POLR3G: variants seen among roughly 807,000 people sequenced by gnomAD.
POLR3G encodes the protein RNA polymerase III subunit G.
Under a neutral mutation model 30.1 loss-of-function variants are expected in POLR3G, and 28 were observed. That is an observed-to-expected ratio of 0.93 (90% CI 0.69 to 1.27). The LOEUF (loss-of-function observed/expected upper bound fraction) is 1.27, where lower values mean the gene tolerates loss of function less well. POLR3G is among the 50% of genes most tolerant of loss of function. The pLI is 0.00. For missense variants in POLR3G, 254 were observed against 264.6 expected (o/e 0.96, Z 0.28); for synonymous variants, 79 against 82.5 (o/e 0.96, Z 0.23).
At chr5:90,501,862 G>A in intron 5 of POLR3G, 44 bp from the exon 6 acceptor site, 2 of 1,602,620 alleles carry the variant, frequency 1.2e-6, no homozygotes, top group East Asian at 2.3e-5. Context: ...ATAATACAGA[G>A]TTGCAGTTGC....
At chr5:90,473,991 T>G (rs777618177), upstream of POLR3G, 2 of 1,598,206 alleles carry the variant, frequency 1.3e-6, no homozygotes, top group Admixed American at 1.8e-5. Flanking sequence ...CTCGGCGTGG[T>G]GCACTGCCAC....
rs375470704 is a variant in POLR3G, at chr5:90,476,661, C to T, written c.-44+1641C>T. Among the ~76,000 whole-genome samples, 78 of 152,274 alleles carry T rather than the reference C, an allele frequency of 5.1e-4. 1 individual carries two copies. The highest frequency in any genetic ancestry group is 1.8e-3 in the African/African-American group (75 of 41,534). On this transcript the variant is annotated intron_variant, in intron 1 of 7. Transcript: ENST00000651687. ...CAATAATCATTGGCCTTTTGCTAGG[C>T]TTTCGTTAGTAATGGGGACATAAAA...
chr5:90,497,140 T>A (rs1752033320), intron 4 of POLR3G, among the ~76,000 whole-genome samples: 1 of 152,176 alleles, frequency 6.6e-6, no homozygotes, highest in African/African-American at 2.4e-5. Context: ...GCAAAATTAT[T>A]TATTGGAGGA....
intron 3 of POLR3G, among the ~76,000 whole-genome samples, chr5:90,488,578 TG>T (rs760744962): frequency 1.3e-5 from 2 of 152,296 alleles, no homozygotes; most frequent in East Asian, 1.9e-4. Flanking sequence ...TTTTAATGAC[TG>T]GTAGTCTACT....
rs763628643 is a variant in POLR3G at position 90,513,758 on chromosome 5, AG to A, written c.*1621del. On this transcript the variant is annotated 3_prime_UTR_variant, in exon 8 of 8. Coordinates refer to ENST00000651687, the MANE Select transcript of POLR3G (RefSeq NM_006467.3). ...CATTTGTGAATTACTTCTTGTTTAA[AG>A]GAAGTTGTCAAAAAATTTTAAGATT... The A allele has an allele frequency of 3.9e-5, 6 of 152,218 alleles. No individual in the cohort carries two copies. Among genetic ancestry groups the A allele is most frequent in the Non-Finnish European group, 8.8e-5 (6 of 68,026 alleles). The allele number at this position is 152,218 out of a possible 1,614,324, so 9.4% of individuals were successfully genotyped here.
At chr5:90,506,872 T>C (rs1303311342) in intron 7 of POLR3G, among the ~76,000 whole-genome samples, 198 bp downstream of exon 7, 1 of 152,212 alleles carries the variant, frequency 6.6e-6, no homozygotes, top group Non-Finnish European at 1.5e-5. Flanking sequence ...ATTGAAATTA[T>C]AATGATGTCA....
At chr5:90,487,378 A>ATTTTTTTTTTTTTTTTTTTTT (rs59951999) in intron 2 of POLR3G, among the ~76,000 whole-genome samples, 6 of 57,028 alleles carry the variant, frequency 1.1e-4, no homozygotes, top group African/African-American at 4.7e-4. Context: ...TGGTACATTA[A>ATTTTTTTTTTTTTTTTTTTTT]TTTTTTTTTT....
chr5:90,478,626 C>T (rs979188853), intron 1 of POLR3G, among the ~76,000 whole-genome samples: 2 of 124,980 alleles, frequency 1.6e-5, no homozygotes, highest in Admixed American at 1.1e-4. Context: ...TGGAGTGCAG[C>T]GGCGCAAGCA....
In POLR3G at chr5:90,502,313, A is replaced by G. The variant is rs983120879; in HGVS notation, c.438+325A>G. On this transcript the variant is annotated intron_variant, in intron 6 of 7. Transcript: ENST00000651687. ...ATGAACAAGTTTTAAAAAGAGTTAC[A>G]TATGTAACTCTTTTAAAAACCTCTC... is the stretch of plus-strand genomic sequence containing the variant. 1.7e-5 allele frequency: 16 copies of G among 953,172 alleles called. No individual in the cohort carries two copies. In the South Asian group the frequency reaches 1.9e-4, roughly 12 times the overall value. The allele number at this position is 953,172 out of a possible 1,614,324, so 59.0% of individuals were successfully genotyped here. A position where few individuals can be genotyped will look rare whatever the true frequency, so the allele number is the denominator to read the frequency against.
chr5:90,474,543 C>T, upstream of POLR3G: 3 of 518,172 alleles, frequency 5.8e-6, no homozygotes, highest in South Asian at 2.4e-5. Flanking sequence ...GCCACCAGCA[C>T]GGGGGCGCAG....
intron 4 of POLR3G, among the ~76,000 whole-genome samples, chr5:90,497,085 A>G (rs939077709): frequency 1.3e-5 from 2 of 152,242 alleles, no homozygotes; most frequent in Non-Finnish European, 2.9e-5. Flanking sequence ...ATGCTTAAAA[A>G]TTAAAAGAAA....
chr5:90,500,379 CT>C (rs1186573994), intron 5 of POLR3G, among the ~76,000 whole-genome samples: 4 of 152,008 alleles, frequency 2.6e-5, no homozygotes, highest in African/African-American at 4.8e-5. Context: ...AATAAGTTTA[CT>C]TACCTGGCCA....
At position 90,497,736 on chromosome 5, in the gene POLR3G, G is replaced by A. The variant is rs1342423384; in HGVS notation, c.355+30G>A. 7.6e-6 allele frequency: 12 copies of A among 1,575,892 alleles called. No homozygotes were observed. In the South Asian group the frequency reaches 8.3e-5, roughly 11 times the overall value. On this transcript the variant is annotated intron_variant, in intron 5 of 7. Coordinates refer to ENST00000651687, the MANE Select transcript of POLR3G (RefSeq NM_006467.3). ...ATTGACTAATATAATAGTAATTCAGGTAGGAAAAGGTTATTTCTTACATTC... is the reference window on the plus strand; with the variant it reads ...ATTGACTAATATAATAGTAATTCAGATAGGAAAAGGTTATTTCTTACATTC...
chr5:90,496,260 C>G (rs543341398), intron 4 of POLR3G, among the ~76,000 whole-genome samples: 1 of 152,040 alleles, frequency 6.6e-6, no homozygotes, highest in East Asian at 1.9e-4. Flanking sequence ...GAGCCAACAC[C>G]CCCCACCCTT....
intron 1 of POLR3G, among the ~76,000 whole-genome samples, chr5:90,476,184 C>T (rs1750805960): frequency 1.3e-5 from 2 of 152,188 alleles, no homozygotes; most frequent in Non-Finnish European, 2.9e-5. Flanking sequence ...CGCTCCTTTC[C>T]TACCCTCCTA....
At chr5:90,500,786 A>G (rs1297147560) in intron 5 of POLR3G, among the ~76,000 whole-genome samples, 1 of 152,150 alleles carries the variant, frequency 6.6e-6, no homozygotes, top group African/African-American at 2.4e-5. Context: ...TTTCTTTTGT[A>G]GGTTAAATGT....
At chr5:90,497,787 A>G in intron 5 of POLR3G, 81 bp downstream of exon 5, 1 of 1,475,822 alleles carries the variant, frequency 6.8e-7, no homozygotes, top group Non-Finnish European at 9.2e-7. Flanking sequence ...GTCAACCCAA[A>G]GTTATACTCA....
intron 5 of POLR3G, among the ~76,000 whole-genome samples, chr5:90,498,251 C>CT (rs773131421): frequency 9.9e-5 from 15 of 151,074 alleles, no homozygotes; most frequent in Non-Finnish European, 1.9e-4. Flanking sequence ...TAGTTGTTGC[C>CT]TTTTCTTTGT....
intron 1 of POLR3G, among the ~76,000 whole-genome samples, chr5:90,476,464 T>G (rs1029472699): frequency 6.6e-6 from 1 of 152,198 alleles, no homozygotes; most frequent in Non-Finnish European, 1.5e-5. Context: ...TGGAAGGGAT[T>G]CGTGAGGAGT....
Sources: gnomAD v4.1 joint callset for allele counts (sites outside exome capture counted in the v4.1 genomes callset) on GRCh38, gnomAD v4.1.1 for gene constraint, MANE v1.5 for transcripts, NCBI Gene and HGNC (gene_info 2026-07-23, HGNC 2026-07-21) for gene names.